The following CDKL3 variants were observed in gnomAD, a reference collection of about 807,000 sequenced individuals.
CDKL3 encodes the protein cyclin dependent kinase like 3.
In CDKL3, 65 loss-of-function variants were observed where a neutral mutation model predicts 69.3. That is an observed-to-expected ratio of 0.94 (90% CI 0.77 to 1.15). CDKL3 has a LOEUF of 1.15. Among genes scored for constraint, CDKL3 ranks in the 50% most tolerant of loss-of-function variants. The pLI is 0.00. For missense variants in CDKL3, 652 were observed against 689.2 expected, an observed-to-expected ratio of 0.95 and a Z score of 0.61; for synonymous variants, 202 against 221.6, an observed-to-expected ratio of 0.91 and a Z score of 0.79.
upstream of CDKL3, chr5:134,367,280 TG>T: frequency 1.0e-6 from 1 of 984,786 alleles, no homozygotes; most frequent in Non-Finnish European, 1.2e-6. Flanking sequence ...GTGCTGTGCT[TG>T]GGAATGGGGG....
At chr5:134,347,292 A>T (rs1453767631) in intron 4 of CDKL3, among the ~76,000 whole-genome samples, 1 of 152,140 alleles carries the variant, frequency 6.6e-6, no homozygotes, top group Non-Finnish European at 1.5e-5. Context: ...TCTCACACTC[A>T]GCTAGTGGGA....
At chr5:134,331,454 C>G (rs527701470) in intron 4 of CDKL3, among the ~76,000 whole-genome samples, 52 of 152,212 alleles carry the variant, frequency 3.4e-4, no homozygotes, top group African/African-American at 1.1e-3. Context: ...ATCCCTCCCC[C>G]GGGCCCCCAC....
At chr5:134,314,810 A>G (rs1362892672) in intron 6 of CDKL3, among the ~76,000 whole-genome samples, 6 of 152,160 alleles carry the variant, frequency 3.9e-5, no homozygotes, top group African/African-American at 7.2e-5. Flanking sequence ...AAATGGAAGA[A>G]AAGATGAATT....
chr5:134,321,748 T>C (rs909907727), intron 5 of CDKL3, 43 bp downstream of exon 5: 1 of 1,039,172 alleles, frequency 9.6e-7, no homozygotes, highest in Non-Finnish European at 1.5e-6. Flanking sequence ...TCTGGCAATA[T>C]TTATTTTAGA....
intron 2 of CDKL3, among the ~76,000 whole-genome samples, chr5:134,365,673 A>G (rs988819660): frequency 3.3e-5 from 5 of 152,228 alleles, no homozygotes; most frequent in African/African-American, 9.6e-5. Context: ...TTGACTCCTT[A>G]GCCTAAAAGA....
intron 6 of CDKL3, among the ~76,000 whole-genome samples, chr5:134,312,691 G>T (rs1769894432): frequency 6.6e-6 from 1 of 152,190 alleles, no homozygotes; most frequent in African/African-American, 2.4e-5. Flanking sequence ...TGCCCTGACA[G>T]GTGGAAAGTT....
chr5:134,304,344 T>C (rs1197895106), intron 11 of CDKL3, 61 bp downstream of exon 11: 1 of 1,332,282 alleles, frequency 7.5e-7, no homozygotes. Flanking sequence ...GTAAGTTATA[T>C]TATGAAAAAA....
chr5:134,313,237 G>A (rs1406984295), intron 6 of CDKL3, among the ~76,000 whole-genome samples: 1 of 152,106 alleles, frequency 6.6e-6, no homozygotes, highest in East Asian at 1.9e-4. Context: ...ATTTTTTAGA[G>A]ACAGGTTCTT....
At chr5:134,308,080 G>A (rs1025417263) in intron 9 of CDKL3, 58 bp downstream of exon 9, 1 of 1,509,310 alleles carries the variant, frequency 6.6e-7, no homozygotes, top group Admixed American at 2.2e-5. Flanking sequence ...ACGATTCTTT[G>A]AAATACCATT....
Position 134,306,675 on chromosome 5 carries a change from G to T in CDKL3, c.1392C>A (p.Arg464=), listed in dbSNP as rs770381834. ...VRLTERAKKR[R]TSSQSIGQVM... ...CTTGTCCAATAGATTGTGAAGAAGT[G>T]CGTCTCTTTTTTGCTCTTTCAGTTA... The change falls in exon 10 of 13, where the codon CGC becomes CGA. Residue 464 remains arginine, a synonymous_variant. Transcript: ENST00000265334. The T allele has an allele frequency of 1.3e-6, 2 of 1,572,490 alleles. No homozygotes were observed. The highest frequency in any genetic ancestry group is 1.4e-5 in the African/African-American group (1 of 71,160).
At chr5:134,319,249 T>C (rs1374130444) in intron 6 of CDKL3, 109 bp downstream of exon 6, 11 of 765,756 alleles carry the variant, frequency 1.4e-5, no homozygotes, top group Non-Finnish European at 2.1e-5. Flanking sequence ...GAGAATCTCA[T>C]GACCTGGGAG....
In CDKL3 at chr5:134,350,254, A is replaced by G. The variant is rs1315515937; in HGVS notation, c.534T>C (p.Tyr178=). Residue 178 remains tyrosine (Y), a synonymous_variant, in exon 4 of 13, where the codon TAT becomes TAC. Transcript: ENST00000265334. ...GGATCCCAAAATACACATACTTTCC[A>G]TAAGAAGTATCTTTTAATACTAATT... The part of the protein sequence containing the change: ...APELVLKDTS[Y]GKPVDIWALG... 1.3e-6 allele frequency: 2 copies of G among 1,560,068 alleles called. No homozygotes were observed. Among genetic ancestry groups the G allele is most frequent in the African/African-American group, 1.4e-5 (1 of 73,156 alleles).
chr5:134,363,820 A>C (rs1326878188), intron 2 of CDKL3, among the ~76,000 whole-genome samples: 1 of 152,070 alleles, frequency 6.6e-6, no homozygotes, highest in Non-Finnish European at 1.5e-5. Context: ...GGCCAGGCAC[A>C]GTGGCTCATG....
chr5:134,285,200 T>C (rs326608), downstream of CDKL3, among the ~76,000 whole-genome samples: 23,600 of 152,126 alleles, frequency 0.16, 2,367 homozygotes, highest in African/African-American at 0.28. Flanking sequence ...CTCCACTAGG[T>C]GGTGCCCCAG....
intron 3 of CDKL3, among the ~76,000 whole-genome samples, chr5:134,352,941 T>C (rs1308746495): frequency 1.3e-5 from 2 of 152,240 alleles, no homozygotes; most frequent in African/African-American, 4.8e-5. Flanking sequence ...ATCCCATTTA[T>C]CTATGTTTGC....
chr5:134,327,000 C>T (rs1158228074), intron 4 of CDKL3, among the ~76,000 whole-genome samples: 2 of 151,740 alleles, frequency 1.3e-5, no homozygotes, highest in Admixed American at 6.6e-5. Flanking sequence ...TTTTTCCTTC[C>T]CCACTCTCTG....
rs548434236 is a variant in CDKL3 at position 134,335,001 on chromosome 5, G to A, written c.540-13098C>T. ...GCTTTAAGAATCTGGGTGGTTCTGTGTTGGGTGCATATATATTTAGGATAG... is the reference window on the plus strand; with the variant it reads ...GCTTTAAGAATCTGGGTGGTTCTGTATTGGGTGCATATATATTTAGGATAG... On this transcript the variant is annotated intron_variant, in intron 4 of 12. Transcript: ENST00000265334. Among the ~76,000 whole-genome samples, 11 of 152,164 alleles carry A rather than the reference G, an allele frequency of 7.2e-5. No homozygotes were observed. In the East Asian group the frequency reaches 1.9e-3, roughly 27 times the overall value.
chr5:134,366,656 T>C (rs1337151284), intron 1 of CDKL3, 112 bp from the exon 2 acceptor site: 2 of 712,216 alleles, frequency 2.8e-6, no homozygotes, highest in Non-Finnish European at 2.2e-6. Context: ...TATAGAGACA[T>C]TAAAAAAAAA....
At chr5:134,341,606 C>T (rs775684256) in intron 4 of CDKL3, among the ~76,000 whole-genome samples, 1 of 152,252 alleles carries the variant, frequency 6.6e-6, no homozygotes, top group Non-Finnish European at 1.5e-5. Context: ...TAACAAAAAG[C>T]AGCCTGTAAA....
Sources: gnomAD v4.1 joint callset for allele counts (sites outside exome capture counted in the v4.1 genomes callset) on GRCh38, gnomAD v4.1.1 for gene constraint, MANE v1.5 for transcripts, NCBI Gene and HGNC (gene_info 2026-07-23, HGNC 2026-07-21) for gene names.